The following FRMD3 variants were observed in gnomAD, a reference collection of about 807,000 sequenced individuals.
The protein encoded by FRMD3 is FERM domain-containing protein 3.
Under a neutral mutation model 70.2 loss-of-function variants are expected in FRMD3, and 33 were observed. The ratio of observed to expected loss-of-function variants is 0.47; its 90% confidence interval spans 0.36 to 0.63. The LOEUF is 0.63. Ranked by LOEUF, FRMD3 falls within the 20% of genes least tolerant of loss-of-function variation. FRMD3 has a pLI of 0.00. For missense variants in FRMD3, 632 were observed against 711.4 expected (o/e 0.89, Z 1.27); for synonymous variants, 279 against 255.9 (o/e 1.09, Z -0.86).
intron 6 of FRMD3, among the ~76,000 whole-genome samples, chr9:83,314,948 C>T (rs1462676434): frequency 6.6e-6 from 1 of 152,130 alleles, no homozygotes; most frequent in Non-Finnish European, 1.5e-5. Flanking sequence ...TTCTTTATAT[C>T]TCTGTCTTTT....
chr9:83,472,800 A>G (rs1336141187), intron 1 of FRMD3, among the ~76,000 whole-genome samples: 1 of 152,146 alleles, frequency 6.6e-6, no homozygotes, highest in African/African-American at 2.4e-5. Flanking sequence ...TTATTTCTAA[A>G]TTTCTCATAT....
chr9:83,319,121 T>C (rs1835699892), intron 6 of FRMD3, among the ~76,000 whole-genome samples: 1 of 152,184 alleles, frequency 6.6e-6, no homozygotes, highest in Admixed American at 6.5e-5. Context: ...TAATTATTTC[T>C]TTTGCTGTGC....
At chr9:83,304,153 A>C (rs1835031254) in intron 10 of FRMD3, among the ~76,000 whole-genome samples, 1 of 152,214 alleles carries the variant, frequency 6.6e-6, no homozygotes, top group Admixed American at 6.5e-5. Context: ...TGGACATTGG[A>C]TTGTTTCCAC....
chr9:83,446,275 C>A (rs533931212), intron 1 of FRMD3, among the ~76,000 whole-genome samples: 1 of 152,274 alleles, frequency 6.6e-6, no homozygotes, highest in Admixed American at 6.5e-5. Flanking sequence ...CAGAGCCCAG[C>A]GGCCTTCATA....
intron 1 of FRMD3, among the ~76,000 whole-genome samples, chr9:83,428,372 G>C (rs111745711): frequency 6.7e-6 from 1 of 150,000 alleles, no homozygotes; most frequent in Non-Finnish European, 1.5e-5. Flanking sequence ...AGCGAGACTC[G>C]GCCTCAAAAA....
At chr9:83,541,246 G>A (rs910396108), upstream of FRMD3, among the ~76,000 whole-genome samples, 1 of 151,852 alleles carries the variant, frequency 6.6e-6, no homozygotes, top group Admixed American at 6.6e-5. Flanking sequence ...AGAAAGAATT[G>A]CAAGATTCTG....
intron 3 of FRMD3, among the ~76,000 whole-genome samples, chr9:83,353,802 C>A (rs568908176): frequency 2.6e-5 from 4 of 152,296 alleles, no homozygotes; most frequent in African/African-American, 7.2e-5. Flanking sequence ...ACGATAGCTA[C>A]TTCTAGAGGC....
the FRMD3 span, among the ~76,000 whole-genome samples, chr9:83,547,196 A>T: frequency 1.3e-5 from 2 of 149,568 alleles, no homozygotes; most frequent in Non-Finnish European, 3.0e-5. Flanking sequence ...AAAAAGACAA[A>T]GAAGGTCATT....
At chr9:83,321,304 T>C (rs1306770264) in intron 6 of FRMD3, among the ~76,000 whole-genome samples, 2 of 152,216 alleles carry the variant, frequency 1.3e-5, no homozygotes, top group African/African-American at 4.8e-5. Flanking sequence ...ACTTTTTTGA[T>C]GTAGGCGTTT....
rs183147868 is a variant in FRMD3 at position 83,347,304 on chromosome 9, T to A, written c.374+2375A>T. On this transcript the variant is annotated intron_variant, in intron 4 of 13. Transcript: ENST00000304195. ...TCACATTAAGGATGCTCATTTTTTT[T>A]ATATAATAGCTACCAAAAAATAATG... Among the ~76,000 whole-genome samples, 435 of 151,832 alleles carry A rather than the reference T, an allele frequency of 2.9e-3. 13 individuals carry two copies. The East Asian group carries it at 0.069, about 24-fold the overall frequency.
chr9:83,286,059 G>A (rs1166979879), intron 13 of FRMD3, among the ~76,000 whole-genome samples: 1 of 152,162 alleles, frequency 6.6e-6, no homozygotes, highest in Non-Finnish European at 1.5e-5. Context: ...GCTGAATGGG[G>A]TCACACGTTT....
At chr9:83,416,337 G>A (rs1419248854) in intron 1 of FRMD3, among the ~76,000 whole-genome samples, 1 of 152,196 alleles carries the variant, frequency 6.6e-6, no homozygotes, top group East Asian at 1.9e-4. Context: ...AGGTGAGCTG[G>A]GACACTGAAT....
At chr9:83,320,380 T>C (rs1238942314) in intron 6 of FRMD3, among the ~76,000 whole-genome samples, 1 of 152,188 alleles carries the variant, frequency 6.6e-6, no homozygotes, top group Non-Finnish European at 1.5e-5. Context: ...TGAAGTTTAT[T>C]AAACACTTTT....
chr9:83,538,160 G>A lies in FRMD3; in HGVS notation c.72C>T (p.Ser24=), dbSNP rs753599775. 10 of 1,612,908 alleles carry A rather than the reference G, an allele frequency of 6.2e-6. No homozygotes were observed. The highest frequency in any genetic ancestry group is 8.5e-6 in the Non-Finnish European group (10 of 1,179,522). ...TCATCTCCTGGCTGAGCGATTTGAC[G>A]CTGGAGCTCCGAAAGTGGATCATTT... The part of the protein sequence containing the change: ...TMKMIHFRSS[S]VKSLSQEMRC... The change falls in exon 1 of 14, where the codon AGC becomes AGT. Residue 24 remains serine, a synonymous_variant. Transcript: ENST00000304195. This position sits in a 1 kb window ranked among gnomAD's most constrained non-coding sequence, Gnocchi z 4.7.
At chr9:83,428,697 C>T (rs759311755) in intron 1 of FRMD3, among the ~76,000 whole-genome samples, 3 of 151,938 alleles carry the variant, frequency 2.0e-5, no homozygotes, top group East Asian at 1.9e-4. Context: ...ATAATCATTC[C>T]GCTGCAGTTG....
intron 1 of FRMD3, among the ~76,000 whole-genome samples, chr9:83,409,128 C>A (rs1473314121): frequency 6.6e-6 from 1 of 152,186 alleles, no homozygotes; most frequent in African/African-American, 2.4e-5. Context: ...GGAGGTCAAC[C>A]TTTTCTCCAC....
chr9:83,521,799 G>T (rs944528792), intron 1 of FRMD3, among the ~76,000 whole-genome samples: 1 of 152,212 alleles, frequency 6.6e-6, no homozygotes, highest in African/African-American at 2.4e-5. Context: ...ATTTCTTTCA[G>T]TTCCTCATAA....
At chr9:83,256,588 T>C (rs1006299938) in intron 13 of FRMD3, among the ~76,000 whole-genome samples, 6 of 151,718 alleles carry the variant, frequency 4.0e-5, no homozygotes, top group African/African-American at 1.5e-4. Context: ...ACCTAAAAAA[T>C]GGGAGAAAAT....
At chr9:83,316,073 T>C (rs1178513728) in intron 6 of FRMD3, among the ~76,000 whole-genome samples, 1 of 152,176 alleles carries the variant, frequency 6.6e-6, no homozygotes, top group African/African-American at 2.4e-5. Flanking sequence ...CCTTTTCTAA[T>C]GCTTTTCCTG....
Sources: gnomAD v4.1 joint callset for allele counts (sites outside exome capture counted in the v4.1 genomes callset) on GRCh38, gnomAD v4.1.1 for gene constraint, Gnocchi (gnomAD v3.1) non-coding constraint, MANE v1.5 for transcripts, NCBI Gene and HGNC (gene_info 2026-07-23, HGNC 2026-07-21) for gene names.